Variants in FRMD4A observed in about 807,000 individuals in gnomAD.
FRMD4A encodes FERM domain containing 4A, also known as FERM domain-containing protein 4A.
Under a neutral mutation model 129.1 loss-of-function variants are expected in FRMD4A, and 29 were observed. The ratio of observed to expected loss-of-function variants is 0.22; its 90% CI spans 0.17 to 0.31. The LOEUF is 0.31. Ranked by LOEUF, FRMD4A falls within the 10% of genes least tolerant of loss-of-function variation. The pLI is 1.00. For missense variants in FRMD4A, 1,272 were observed against 1,375.8 expected (o/e 0.92, Z 1.19); for synonymous variants, 634 against 571.6 (o/e 1.11, Z -1.56).
At chr10:14,206,360 C>G (rs754907036) in intron 2 of FRMD4A, among the ~76,000 whole-genome samples, 1 of 152,200 alleles carries the variant, frequency 6.6e-6, no homozygotes, top group Non-Finnish European at 1.5e-5. Flanking sequence ...AACGCAATTG[C>G]AGCTGTCTTC....
intron 8 of FRMD4A, among the ~76,000 whole-genome samples, chr10:13,748,939 C>T (rs566926626): frequency 2.0e-5 from 3 of 152,274 alleles, no homozygotes; most frequent in South Asian, 4.2e-4. Flanking sequence ...AATTCTTTTC[C>T]CTGTAGACTC....
At chr10:13,691,642 G>A (rs1441760656) in intron 15 of FRMD4A, among the ~76,000 whole-genome samples, 4 of 152,316 alleles carry the variant, frequency 2.6e-5, no homozygotes, top group African/African-American at 4.8e-5. Context: ...AGCTCTGAGA[G>A]GGGTTTTGAC....
intron 2 of FRMD4A, chr10:13,971,759 C>A (rs1353062866): frequency 7.7e-6 from 10 of 1,304,484 alleles, no homozygotes; most frequent in Non-Finnish European, 9.1e-6. Context: ...CAGGTTCCAA[C>A]TCCACGGTGG....
chr10:13,834,574 C>T (rs533627846), intron 3 of FRMD4A, among the ~76,000 whole-genome samples: 59 of 152,264 alleles, frequency 3.9e-4, no homozygotes, highest in Non-Finnish European at 6.6e-4. Flanking sequence ...GAAAGCCTGA[C>T]GTTAGAAAGA....
At chr10:13,806,077 G>A (rs986449990) in intron 4 of FRMD4A, among the ~76,000 whole-genome samples, 3 of 151,942 alleles carry the variant, frequency 2.0e-5, no homozygotes, top group Admixed American at 1.3e-4. Flanking sequence ...GGGTGATCTC[G>A]AACTCCTGAC....
intron 2 of FRMD4A, among the ~76,000 whole-genome samples, chr10:14,299,228 A>G (rs1366245650): frequency 6.6e-6 from 1 of 152,224 alleles, no homozygotes; most frequent in Non-Finnish European, 1.5e-5. Context: ...TGTCCATAAA[A>G]AAGAACAGTC....
chr10:13,968,024 G>A (rs1182864699), intron 2 of FRMD4A, among the ~76,000 whole-genome samples: 3 of 152,164 alleles, frequency 2.0e-5, no homozygotes, highest in East Asian at 1.9e-4. Flanking sequence ...CAGCGGGGGC[G>A]CTTAAGACAT....
intron 2 of FRMD4A, among the ~76,000 whole-genome samples, chr10:13,984,609 C>T (rs1349052838): frequency 1.3e-5 from 2 of 152,222 alleles, no homozygotes; most frequent in East Asian, 1.9e-4. Flanking sequence ...CTTCGTAGCT[C>T]GTATAAGAGG....
intron 2 of FRMD4A, among the ~76,000 whole-genome samples, chr10:14,180,941 C>T (rs1841892960): frequency 1.3e-5 from 2 of 152,190 alleles, no homozygotes; most frequent in Non-Finnish European, 2.9e-5. Context: ...AATTGTGGCA[C>T]ACTGAGGAAA....
At chr10:13,938,134 A>T (rs2095262887) in intron 2 of FRMD4A, among the ~76,000 whole-genome samples, 1 of 152,216 alleles carries the variant, frequency 6.6e-6, no homozygotes, top group African/African-American at 2.4e-5. Flanking sequence ...ACCTTCAAAT[A>T]ATAGAATAGC....
At chr10:14,182,485 T>C (rs1300550225) in intron 2 of FRMD4A, among the ~76,000 whole-genome samples, 1 of 152,228 alleles carries the variant, frequency 6.6e-6, no homozygotes, top group African/African-American at 2.4e-5. Context: ...AGTTTGAGGC[T>C]GCAGTGATCT....
chr10:13,848,917 T>C (rs531176242), intron 3 of FRMD4A, among the ~76,000 whole-genome samples: 1 of 152,322 alleles, frequency 6.6e-6, no homozygotes, highest in East Asian at 1.9e-4. Context: ...CAATGCGTTT[T>C]TTATTACAAA....
chr10:13,657,558 G>C, intron 21 of FRMD4A, 36 bp from the exon 22 acceptor site: 1 of 1,523,642 alleles, frequency 6.6e-7, no homozygotes, highest in Non-Finnish European at 8.8e-7. Context: ...CTGGGGGTGG[G>C]GAGTGGGCCC....
At chr10:13,882,298 AC>A (rs748090131) in intron 2 of FRMD4A, among the ~76,000 whole-genome samples, 37 of 152,254 alleles carry the variant, frequency 2.4e-4, no homozygotes, top group Non-Finnish European at 4.4e-4. Flanking sequence ...CAATGTATGG[AC>A]CGAGGCATTG....
At chr10:14,270,874 A>G (rs1466256359) in intron 2 of FRMD4A, among the ~76,000 whole-genome samples, 9 of 152,202 alleles carry the variant, frequency 5.9e-5, no homozygotes, top group Non-Finnish European at 1.2e-4. Context: ...TGTGAACTAT[A>G]TGTATTATGC....
chr10:14,190,240 T>C (rs1324692250), intron 2 of FRMD4A, among the ~76,000 whole-genome samples: 1 of 152,196 alleles, frequency 6.6e-6, no homozygotes, highest in Non-Finnish European at 1.5e-5. Context: ...AGTAGTTTCT[T>C]CACAGCAAAT....
intron 2 of FRMD4A, among the ~76,000 whole-genome samples, chr10:14,303,303 T>G (rs923353905): frequency 3.9e-5 from 6 of 152,224 alleles, no homozygotes; most frequent in Non-Finnish European, 1.5e-5. Context: ...GGGTCCTTGC[T>G]GAAATGCAGA....
intron 2 of FRMD4A, among the ~76,000 whole-genome samples, chr10:14,126,169 CTTTTTTTT>C (rs55649566): frequency 8.2e-6 from 1 of 122,382 alleles, no homozygotes; most frequent in Non-Finnish European, 1.6e-5. Context: ...ACCTTGCCCA[CTTTTTTTT>C]TTTTTTTTTT....
At chr10:13,737,461 T>A (rs1319669792) in intron 12 of FRMD4A, among the ~76,000 whole-genome samples, 2 of 152,114 alleles carry the variant, frequency 1.3e-5, no homozygotes, top group Non-Finnish European at 2.9e-5. Flanking sequence ...CCAGAAATCT[T>A]TGGGAGAACT....
Sources: allele counts gnomAD v4.1 joint callset (sites outside exome capture counted in the v4.1 genomes callset), GRCh38; gene constraint gnomAD v4.1.1; transcripts MANE v1.5; gene names NCBI Gene and HGNC (gene_info 2026-07-23, HGNC 2026-07-21).